The following OSTM1 variants were observed in gnomAD, a reference collection of about 807,000 sequenced individuals.
OSTM1 encodes the protein osteopetrosis-associated transmembrane protein 1.
A neutral mutation model predicts 35.4 loss-of-function variants in OSTM1; 26 were observed. The observed-to-expected ratio is 0.73, with a 90% CI of 0.54 to 1.02. The LOEUF (loss-of-function observed/expected upper bound fraction) is 1.02. OSTM1 is among the 50% of genes least tolerant of loss of function. The probability of loss-of-function intolerance (pLI) is 0.00; values close to 1 mark genes in which losing one functional copy is unlikely to be tolerated. For missense variants in OSTM1, 366 were observed against 409.6 expected, an observed-to-expected ratio of 0.89 and a Z score of 0.92; for synonymous variants, 181 against 165.0, an observed-to-expected ratio of 1.10 and a Z score of -0.75.
intron 2 of OSTM1, among the ~76,000 whole-genome samples, chr6:108,060,499 C>T (rs902543103): frequency 2.6e-5 from 4 of 152,150 alleles, no homozygotes; most frequent in African/African-American, 9.7e-5. Context: ...AGGAGGATTG[C>T]TTGAGTCTAG....
chr6:108,057,116 G>A (rs931052201), intron 2 of OSTM1, among the ~76,000 whole-genome samples: 32 of 152,008 alleles, frequency 2.1e-4, no homozygotes, highest in African/African-American at 6.5e-4. Context: ...TGGTCCCAGC[G>A]GCTTGGGAGG....
chr6:108,049,253 G>A lies in OSTM1; in HGVS notation c.949C>T (p.Pro317Ser), dbSNP rs764262935. The part of the protein sequence containing the change: ...SEQKKRKLIL[P>S]KRLKSSTSFA... Reference sequence around the variant, plus strand: ...AAATAAATAATTGTAAAAAACTTACGCAGAATGAGTTTGCGTTTCTTTTGC... The same window carrying A: ...AAATAAATAATTGTAAAAAACTTACACAGAATGAGTTTGCGTTTCTTTTGC... Residue 317 changes from proline to serine, a missense_variant and splice_region_variant, in exon 5 of 6, where the codon CCC becomes TCC. By Grantham distance (74) the Pro-to-Ser change is moderately conservative. This residue lies in a region of OSTM1 where 125 missense variants were observed against 151.7 expected (regional missense o/e 0.82). Transcript: ENST00000193322. The A allele has an allele frequency of 2.5e-6, 4 of 1,602,392 alleles. No homozygotes were observed. Among genetic ancestry groups the A allele is most frequent in the South Asian group, 1.1e-5 (1 of 90,292 alleles).
chr6:108,070,481 G>T (rs1772461323), intron 1 of OSTM1, among the ~76,000 whole-genome samples: 1 of 152,186 alleles, frequency 6.6e-6, no homozygotes, highest in South Asian at 2.1e-4. Context: ...TTTGAGGCCT[G>T]AATCTTACCC....
intron 4 of OSTM1, among the ~76,000 whole-genome samples, chr6:108,050,368 T>C (rs1199086952): frequency 2.1e-5 from 3 of 143,934 alleles, no homozygotes; most frequent in African/African-American, 7.8e-5. Context: ...CTTTTTTTTT[T>C]TTTTTTTTTT....
In OSTM1 at chr6:108,062,005, T is replaced by G. The variant is rs376569587; in HGVS notation, c.517+2180A>C. On this transcript the variant is annotated intron_variant, in intron 2 of 5. Coordinates refer to ENST00000193322, the MANE Select transcript of OSTM1 (RefSeq NM_014028.4). ...ACCAAGTATAGTACCAAACCTTCTATATACTACGTTTTTTTCTATTTCTAT... is the reference window on the plus strand; with the variant it reads ...ACCAAGTATAGTACCAAACCTTCTAGATACTACGTTTTTTTCTATTTCTAT... Among the ~76,000 whole-genome samples, 113 of 152,168 alleles carry G rather than the reference T, an allele frequency of 7.4e-4. 5 individuals carry two copies. The South Asian group carries it at 0.023, about 31-fold the overall frequency.
intron 2 of OSTM1, among the ~76,000 whole-genome samples, chr6:108,056,402 C>G (rs1484364722): frequency 1.3e-5 from 2 of 152,200 alleles, no homozygotes; most frequent in Non-Finnish European, 2.9e-5. Flanking sequence ...TATCTACATT[C>G]TAAACCATTA....
chr6:108,061,111 TA>T (rs1177790982), intron 2 of OSTM1, among the ~76,000 whole-genome samples: 37 of 151,742 alleles, frequency 2.4e-4, no homozygotes, highest in Non-Finnish European at 4.9e-4. Flanking sequence ...ATATTTATAC[TA>T]GAAAATTTTA....
At chr6:108,054,987 T>C (rs1490910515) in intron 2 of OSTM1, among the ~76,000 whole-genome samples, 2 of 152,178 alleles carry the variant, frequency 1.3e-5, no homozygotes, top group African/African-American at 2.4e-5. Context: ...ATTTCATAGT[T>C]CTCTGCATCT....
At chr6:108,072,385 A>T (rs896846256) in intron 1 of OSTM1, among the ~76,000 whole-genome samples, 1 of 152,036 alleles carries the variant, frequency 6.6e-6, no homozygotes, top group African/African-American at 2.4e-5. Context: ...TGTAATCCCA[A>T]ATCTTTGGGA....
intron 1 of OSTM1, 124 bp downstream of exon 1, chr6:108,074,126 G>T (rs538518376): frequency 3.1e-6 from 3 of 955,854 alleles, no homozygotes; most frequent in African/African-American, 3.2e-5. Context: ...CAACTCTACA[G>T]ACTCAGTCCA....
chr6:108,065,361 G>A (rs1033254867), intron 1 of OSTM1, among the ~76,000 whole-genome samples: 8 of 144,960 alleles, frequency 5.5e-5, no homozygotes, highest in Admixed American at 1.4e-4. Flanking sequence ...TGCCTTAGCC[G>A]CCCGAGCAGC....
intron 3 of OSTM1, among the ~76,000 whole-genome samples, chr6:108,052,526 T>TC: frequency 6.7e-6 from 1 of 150,266 alleles, no homozygotes; most frequent in East Asian, 1.9e-4. Flanking sequence ...TTTTTTTTTT[T>TC]TTTTTTGAGA....
intron 2 of OSTM1, among the ~76,000 whole-genome samples, chr6:108,054,993 C>T (rs59994360): frequency 0.23 from 35,309 of 151,988 alleles, 4,204 homozygotes; most frequent in Admixed American, 0.26. Context: ...TAGTTCTCTG[C>T]ATCTTCCAAC....
At chr6:108,046,511 T>A (rs1433849999) in intron 5 of OSTM1, among the ~76,000 whole-genome samples, 1 of 118,484 alleles carries the variant, frequency 8.4e-6, no homozygotes, top group Non-Finnish European at 1.6e-5. Context: ...CCGGCTAATT[T>A]TTTTTTTGTA....
intron 5 of OSTM1, among the ~76,000 whole-genome samples, chr6:108,045,572 T>C (rs1422527478): frequency 6.6e-6 from 1 of 150,738 alleles, no homozygotes; most frequent in African/African-American, 2.4e-5. Flanking sequence ...GAACTCTGTA[T>C]TGTAAAAAAA....
chr6:108,066,464 A>G (rs1772378795), intron 1 of OSTM1, among the ~76,000 whole-genome samples: 1 of 152,224 alleles, frequency 6.6e-6, no homozygotes, highest in Admixed American at 6.5e-5. Context: ...AGAAGGAAGA[A>G]TTGGAGAGAT....
At position 108,074,411 on chromosome 6, in the gene OSTM1, C is replaced by G; in HGVS notation, c.241G>C (p.Asp81His). 6.4e-7 allele frequency: 1 copy of G among 1,569,122 alleles called. No homozygotes were observed. Among genetic ancestry groups the G allele is most frequent in the African/African-American group, 1.3e-5 (1 of 74,322 alleles). Residue 81 changes from aspartate to histidine, a missense_variant, in exon 1 of 6, where the codon GAT (aspartate) becomes CAT (histidine). This residue lies in a region of OSTM1 where 236 missense variants were observed against 239.3 expected (regional missense o/e 0.99). Coordinates refer to ENST00000193322, the MANE Select transcript of OSTM1 (RefSeq NM_014028.4). ...AGCAGGAGCTCCCGGCACTCAGGAT[C>G]CAGATCCGGCAGGTCCGGGGGCAGC... ...LSLPPDLPDL[D>H]PECRELLLDF...
intron 2 of OSTM1, among the ~76,000 whole-genome samples, chr6:108,055,010 A>G (rs1287724018): frequency 6.6e-6 from 1 of 152,136 alleles, no homozygotes; most frequent in Non-Finnish European, 1.5e-5. Flanking sequence ...CAACTTCACT[A>G]ATGAGTCATT....
In OSTM1 at chr6:108,042,938, A is replaced by T. The variant is rs1771898018; in HGVS notation, c.*1847T>A. 6.6e-6 allele frequency: 1 copy of T among 152,216 alleles called. No individual in the cohort carries two copies. Among genetic ancestry groups the T allele is most frequent in the Non-Finnish European group, 1.5e-5 (1 of 68,034 alleles). The allele number at this position is 152,216 out of a possible 1,614,324, so 9.4% of individuals were successfully genotyped here. ...TATGCAAATCATTTTTCAATATGAC[A>T]AAATGAAAAACTTACACACTTTAGG... On this transcript the variant is annotated 3_prime_UTR_variant, in exon 6 of 6. Transcript: ENST00000193322.
Sources: gnomAD v4.1 joint callset for allele counts (sites outside exome capture counted in the v4.1 genomes callset) on GRCh38, gnomAD v4.1.1 for gene constraint, gnomAD v4.1.1 regional missense constraint, MANE v1.5 for transcripts, NCBI Gene and HGNC (gene_info 2026-07-23, HGNC 2026-07-21) for gene names.